The following BGLAP variants were observed in gnomAD, a reference collection of about 807,000 sequenced individuals.
BGLAP encodes the protein bone gamma-carboxyglutamate protein.
BGLAP carries 15 observed loss-of-function variants against 13.7 expected under a neutral mutation model. The ratio of observed to expected loss-of-function variants is 1.09; its 90% CI spans 0.73 to 1.68. The LOEUF (loss-of-function observed/expected upper bound fraction) is 1.68, where lower values mean the gene tolerates loss of function less well. BGLAP is among the 40% of genes most tolerant of loss of function. BGLAP has a pLI of 0.00. For missense variants in BGLAP, 120 were observed against 134.3 expected (o/e 0.89, Z 0.53); for synonymous variants, 67 against 56.2 (o/e 1.19, Z -0.86).
Position 156,242,753 on chromosome 1 carries a change from G to A in BGLAP, c.104-9G>A. 1 of 1,592,250 alleles carries A rather than the reference G, an allele frequency of 6.3e-7. No homozygotes were observed. Among genetic ancestry groups the A allele is most frequent in the South Asian group, 1.1e-5 (1 of 87,796 alleles). On this transcript the variant is annotated splice_polypyrimidine_tract_variant and intron_variant, in intron 2 of 3. Transcript: ENST00000368272. ...AGAGCCACCTGATGCCTGCCCCTCT[G>A]CTCCACAGCCTTTGTGTCCAAGCAG...
Position 156,242,413 on chromosome 1 carries a change from G to A in BGLAP, c.64+118G>A, listed in dbSNP as rs185865945. On this transcript the variant is annotated intron_variant, in intron 1 of 3. Coordinates refer to ENST00000368272, the MANE Select transcript of BGLAP (RefSeq NM_199173.6). ...AGTCCCTTTGCAGTCTAACCACCTT[G>A]TTGCAGGCTCAATCCATTTGCCCCA... 1.2e-4 allele frequency: 178 copies of A among 1,542,440 alleles called. No individual in the cohort carries two copies. The East Asian group carries it at 4.3e-3, about 37-fold the overall frequency.
chr1:156,242,604 A>G lies in BGLAP; in HGVS notation c.103+13A>G. The G allele has an allele frequency of 6.4e-7, 1 of 1,562,318 alleles. No homozygotes were observed. Among genetic ancestry groups the G allele is most frequent in the Non-Finnish European group, 8.7e-7 (1 of 1,152,738 alleles). ...AGCAAAGGTGCAGGTATGAGGATGG[A>G]CCTGATGGGTTCCTGGACCCTCCCC... On this transcript the variant is annotated intron_variant, in intron 2 of 3. Transcript: ENST00000368272.
At chr1:156,242,333 G>C in intron 1 of BGLAP, 38 bp downstream of exon 1, 1 of 1,606,292 alleles carries the variant, frequency 6.2e-7, no homozygotes, top group Non-Finnish European at 8.5e-7. Flanking sequence ...GCATTGCAGT[G>C]GGGGCTGAGA....
In BGLAP at chr1:156,243,099, TGACGAGTTG is replaced by T; in HGVS notation, c.242_250del (p.Asp81_Leu83del). 1 of 1,614,088 alleles carries T rather than the reference TGACGAGTTG, an allele frequency of 6.2e-7. No individual in the cohort carries two copies. Among genetic ancestry groups the T allele is most frequent in the Non-Finnish European group, 8.5e-7 (1 of 1,179,994 alleles). ...AGGTGTGTGAGCTCAATCCGGACTG[TGACGAGTTG>T]GCTGACCACATCGGCTTTCAGGAGG... On this transcript the variant is annotated inframe_deletion, in exon 4 of 4. Coordinates refer to ENST00000368272, the MANE Select transcript of BGLAP (RefSeq NM_199173.6).
In BGLAP at chr1:156,242,214, C is replaced by T. The variant is rs201271459; in HGVS notation, c.-18C>T. The T allele has an allele frequency of 2.3e-5, 37 of 1,609,426 alleles. No individual in the cohort carries two copies. Among genetic ancestry groups the T allele is most frequent in the East Asian group, 1.3e-4 (6 of 44,644 alleles). On this transcript the variant is annotated 5_prime_UTR_variant, in exon 1 of 4. Transcript: ENST00000368272. ...AGCTGAGTCCTGAGCAGCAGCCCAG[C>T]GCAGCCACCGAGACACCATGAGAGC...
chr1:156,242,361 C>A, intron 1 of BGLAP, 66 bp downstream of exon 1: 1 of 1,581,586 alleles, frequency 6.3e-7, no homozygotes, highest in African/African-American at 1.4e-5. Flanking sequence ...GCACCATGGC[C>A]CACCTCTTCT....
chr1:156,242,616 C>T (rs772683461), intron 2 of BGLAP, 25 bp downstream of exon 2: 2 of 1,570,436 alleles, frequency 1.3e-6, no homozygotes, highest in East Asian at 4.8e-5. Context: ...CTGATGGGTT[C>T]CTGGACCCTC....
At position 156,243,076 on chromosome 1, in the gene BGLAP, G is replaced by T; in HGVS notation, c.217G>T (p.Val73Leu). ...YPDPLEPRRE[V>L]CELNPDCDEL... Reference sequence around the variant, plus strand: ...GGATCCCCTGGAGCCCAGGAGGGAGGTGTGTGAGCTCAATCCGGACTGTGA... The same window carrying T: ...GGATCCCCTGGAGCCCAGGAGGGAGTTGTGTGAGCTCAATCCGGACTGTGA... Residue 73 changes from valine (V) to leucine (L), a missense_variant, in exon 4 of 4, where the codon GTG becomes TTG. By Grantham distance (32) the Val-to-Leu change is conservative (BLOSUM62 1). Coordinates refer to ENST00000368272, the MANE Select transcript of BGLAP (RefSeq NM_199173.6). 1.9e-6 allele frequency: 3 copies of T among 1,614,210 alleles called. No homozygotes were observed. Among genetic ancestry groups the T allele is most frequent in the Non-Finnish European group, 2.5e-6 (3 of 1,180,018 alleles).
chr1:156,242,705 C>A, intron 2 of BGLAP, 57 bp from the exon 3 acceptor site: 1 of 1,604,332 alleles, frequency 6.2e-7, no homozygotes, highest in Non-Finnish European at 8.5e-7. Context: ...CCAGCCTGCT[C>A]CCCACCTGAT....
At position 156,243,238 on chromosome 1, in the gene BGLAP, C is replaced by T. The variant is rs973917436; in HGVS notation, c.*76C>T. On this transcript the variant is annotated 3_prime_UTR_variant, in exon 4 of 4. Transcript: ENST00000368272. ...GCACCCTTCTTTCCTCTTCCCCTTG[C>T]CCTTGCCCTGACCTCCCAGCCCTAT... 13 of 1,591,710 alleles carry T rather than the reference C, an allele frequency of 8.2e-6. No individual in the cohort carries two copies. The highest frequency in any genetic ancestry group is 1.7e-4 in the Middle Eastern group (1 of 5,944).
Position 156,243,156 on chromosome 1 carries a change from G to A in BGLAP, c.297G>A (p.Pro99=), listed in dbSNP as rs1212343027. 1.2e-5 allele frequency: 19 copies of A among 1,613,576 alleles called. No homozygotes were observed. Among genetic ancestry groups the A allele is most frequent in the Non-Finnish European group, 1.4e-5 (17 of 1,179,964 alleles). ...AGGCCTATCGGCGCTTCTACGGCCC[G>A]GTCTAGGGTGTCGCTCTGCTGGCCT... is the stretch of plus-strand genomic sequence containing the variant. The part of the protein sequence containing the change: ...FQEAYRRFYG[P]V Residue 99 remains proline, a synonymous_variant, in exon 4 of 4, where the codon CCG becomes CCA. Coordinates refer to ENST00000368272, the MANE Select transcript of BGLAP (RefSeq NM_199173.6).
intron 2 of BGLAP, 27 bp downstream of exon 2, chr1:156,242,618 T>G: frequency 6.4e-7 from 1 of 1,572,514 alleles, no homozygotes. Flanking sequence ...GATGGGTTCC[T>G]GGACCCTCCC....
Position 156,242,246 on chromosome 1 carries a change from A to G in BGLAP, c.15A>G (p.Thr5=). The G allele has an allele frequency of 6.2e-7, 1 of 1,612,162 alleles. No homozygotes were observed. Among genetic ancestry groups the G allele is most frequent in the Non-Finnish European group, 8.5e-7 (1 of 1,179,650 alleles). The change falls in exon 1 of 4, where the codon ACA becomes ACG. Residue 5 remains threonine, a synonymous_variant. Coordinates refer to ENST00000368272, the MANE Select transcript of BGLAP (RefSeq NM_199173.6). MRAL[T]LLALLALAAL... is the part of the protein sequence containing the mutation. The stretch of plus-strand genomic sequence containing the variant: ...ACCGAGACACCATGAGAGCCCTCAC[A>G]CTCCTCGCCCTATTGGCCCTGGCCG...
At chr1:156,242,876 A>C (rs764273286) in intron 3 of BGLAP, 45 bp downstream of exon 3, 1 of 1,572,118 alleles carries the variant, frequency 6.4e-7, no homozygotes, top group Admixed American at 1.8e-5. Context: ...CCTCTCCGGG[A>C]TGGTCTGTGG....
chr1:156,242,476 C>G (rs1413542054), intron 1 of BGLAP, 77 bp from the exon 2 acceptor site: 14 of 1,550,288 alleles, frequency 9.0e-6, no homozygotes, highest in Non-Finnish European at 1.2e-5. Context: ...GAAGAGCAAG[C>G]TGCCCGAGAC....
chr1:156,242,439 G>A, intron 1 of BGLAP, 114 bp from the exon 2 acceptor site: 1 of 1,546,536 alleles, frequency 6.5e-7, no homozygotes, highest in Non-Finnish European at 8.7e-7. Context: ...ATTTGCCCCA[G>A]CTCTGCCCTT....
chr1:156,242,337 G>A (rs765007157), intron 1 of BGLAP, 42 bp downstream of exon 1: 3 of 1,603,172 alleles, frequency 1.9e-6, no homozygotes, highest in African/African-American at 2.7e-5. Context: ...TGCAGTGGGG[G>A]CTGAGAGGAG....
chr1:156,243,047 A>G lies in BGLAP; in HGVS notation c.188A>G (p.Tyr63Cys), dbSNP rs1315778145. Residue 63 changes from tyrosine (Y) to cysteine (C), a missense_variant, in exon 4 of 4, where the codon TAC becomes TGC. Transcript: ENST00000368272. The part of the protein sequence containing the change: ...LYQWLGAPVP[Y>C]PDPLEPRREV... The stretch of plus-strand genomic sequence containing the variant: ...GGGTGTCTCAGAGCCCCAGTCCCCT[A>G]CCCGGATCCCCTGGAGCCCAGGAGG... 1.9e-6 allele frequency: 3 copies of G among 1,613,906 alleles called. No individual in the cohort carries two copies. The highest frequency in any genetic ancestry group is 2.5e-6 in the Non-Finnish European group (3 of 1,179,982).
Position 156,243,231 on chromosome 1 carries a change from C to CCTCTTG in BGLAP, c.*70_*71insTCTTGC, listed in dbSNP as rs1659599686. The CCTCTTG allele has an allele frequency of 6.3e-7, 1 of 1,598,162 alleles. No individual in the cohort carries two copies. Among genetic ancestry groups the CCTCTTG allele is most frequent in the Admixed American group, 1.7e-5 (1 of 59,800 alleles). Reference sequence around the variant, plus strand: ...TCTCCAGGCACCCTTCTTTCCTCTTCCCCTTGCCCTTGCCCTGACCTCCCA... The same window carrying CCTCTTG: ...TCTCCAGGCACCCTTCTTTCCTCTTCCTCTTGCCCTTGCCCTTGCCCTGACCTCCCA... On this transcript the variant is annotated 3_prime_UTR_variant, in exon 4 of 4. Transcript: ENST00000368272.
Sources: allele counts gnomAD v4.1 joint callset, GRCh38; gene constraint gnomAD v4.1.1; transcripts MANE v1.5; gene names NCBI Gene and HGNC (gene_info 2026-07-23, HGNC 2026-07-21).